Variants in RNGTT observed in about 807,000 individuals in gnomAD.
RNGTT encodes RNA guanylyltransferase and 5'-phosphatase, also known as mRNA-capping enzyme.
Under a neutral mutation model 79.3 loss-of-function variants are expected in RNGTT, and 33 were observed. The ratio of observed to expected loss-of-function variants is 0.42; its 90% confidence interval spans 0.32 to 0.56. The LOEUF (loss-of-function observed/expected upper bound fraction) is 0.56. Ranked by LOEUF, RNGTT falls within the 20% of genes least tolerant of loss-of-function variation. RNGTT has a pLI of 0.17. For missense variants in RNGTT, 497 were observed against 739.1 expected, an observed-to-expected ratio of 0.67 and a Z score of 3.80; for synonymous variants, 222 against 235.9, an observed-to-expected ratio of 0.94 and a Z score of 0.54.
intron 14 of RNGTT, among the ~76,000 whole-genome samples, chr6:88,660,143 T>TA (rs964057099): frequency 7.2e-5 from 11 of 152,146 alleles, no homozygotes; most frequent in Non-Finnish European, 1.2e-4. Flanking sequence ...CAAGAAATGC[T>TA]AAAAAAGTTC....
At chr6:88,768,419 G>A (rs759711600) in intron 13 of RNGTT, among the ~76,000 whole-genome samples, 6 of 152,070 alleles carry the variant, frequency 3.9e-5, no homozygotes, top group Non-Finnish European at 7.4e-5. Context: ...CAAATAAAAT[G>A]TTAAATACCC....
intron 14 of RNGTT, among the ~76,000 whole-genome samples, chr6:88,649,513 C>T (rs1055636781): frequency 6.6e-6 from 1 of 152,046 alleles, no homozygotes; most frequent in Non-Finnish European, 1.5e-5. Context: ...CTGGCTAACA[C>T]GGTGAAACCA....
intron 12 of RNGTT, among the ~76,000 whole-genome samples, chr6:88,800,125 T>C (rs1227699517): frequency 6.6e-6 from 1 of 152,198 alleles, no homozygotes; most frequent in Admixed American, 6.5e-5. Flanking sequence ...TCTCTAAATT[T>C]GCATTTTAGC....
rs34826211 is a variant in RNGTT, at chr6:88,636,712, C to CT, written c.1507-22318dup. Among the ~76,000 whole-genome samples the CT allele has an allele frequency of 2.5e-3, 362 of 146,464 alleles. 3 individuals are homozygous for CT. Among genetic ancestry groups the CT allele is most frequent in the African/African-American group, 7.2e-3 (290 of 40,182 alleles). ...TTAATTATAAAAAACAAAAACACAA[C>CT]TTTTTTTTTTTAAGACAAAGACAAG... On this transcript the variant is annotated intron_variant, in intron 14 of 15. Transcript: ENST00000369485.
At chr6:88,863,275 T>C (rs1782069391) in intron 8 of RNGTT, among the ~76,000 whole-genome samples, 1 of 152,206 alleles carries the variant, frequency 6.6e-6, no homozygotes, top group Non-Finnish European at 1.5e-5. Flanking sequence ...TTTGCCAACA[T>C]TTAAATGTCT....
At chr6:88,642,022 G>C (rs1442345274) in intron 14 of RNGTT, among the ~76,000 whole-genome samples, 1 of 151,986 alleles carries the variant, frequency 6.6e-6, no homozygotes, top group Non-Finnish European at 1.5e-5. Context: ...TAGCTACCTT[G>C]TCATTTGAGA....
intron 6 of RNGTT, among the ~76,000 whole-genome samples, chr6:88,902,189 T>A (rs1783493765): frequency 6.7e-6 from 1 of 148,534 alleles, no homozygotes; most frequent in Non-Finnish European, 1.5e-5. Flanking sequence ...CCTATCTCTT[T>A]AAAAAAAAAT....
chr6:88,933,654 A>C (rs1354928809), intron 2 of RNGTT, among the ~76,000 whole-genome samples: 1 of 152,162 alleles, frequency 6.6e-6, no homozygotes, highest in Non-Finnish European at 1.5e-5. Flanking sequence ...CTCCCACAGG[A>C]GTGAAACTGT....
intron 14 of RNGTT, among the ~76,000 whole-genome samples, chr6:88,657,567 A>T (rs1436505480): frequency 6.6e-6 from 1 of 152,168 alleles, no homozygotes; most frequent in African/African-American, 2.4e-5. Context: ...AAATACAGAT[A>T]TGAGCACAGA....
intron 4 of RNGTT, among the ~76,000 whole-genome samples, chr6:88,907,735 C>CTTTT (rs34378893): frequency 4.8e-5 from 6 of 125,448 alleles, no homozygotes; most frequent in African/African-American, 1.7e-4. Flanking sequence ...TAAGCTGTAT[C>CTTTT]TTTTTTTTTT....
chr6:88,818,263 C>T (rs1468119973), intron 11 of RNGTT, among the ~76,000 whole-genome samples: 1 of 152,056 alleles, frequency 6.6e-6, no homozygotes, highest in East Asian at 1.9e-4. Context: ...AAGCTCAAGA[C>T]ATTGGGTTAA....
chr6:88,715,280 G>T (rs1776469047), intron 13 of RNGTT, among the ~76,000 whole-genome samples: 2 of 152,136 alleles, frequency 1.3e-5, no homozygotes, highest in African/African-American at 4.8e-5. Flanking sequence ...ACCTCTTCAA[G>T]AACAACTACA....
At chr6:88,839,491 G>C (rs55936273) in intron 11 of RNGTT, among the ~76,000 whole-genome samples, 1 of 151,986 alleles carries the variant, frequency 6.6e-6, no homozygotes, top group Admixed American at 6.6e-5. Flanking sequence ...GATTGTTTGA[G>C]TCTGGGAGGT....
intron 11 of RNGTT, among the ~76,000 whole-genome samples, chr6:88,840,525 T>C (rs773742853): frequency 7.9e-5 from 12 of 152,176 alleles, no homozygotes; most frequent in Non-Finnish European, 1.5e-4. Context: ...GCCTCCTGAA[T>C]AGCTGGAACT....
intron 12 of RNGTT, among the ~76,000 whole-genome samples, chr6:88,771,313 GTGTA>G (rs1465162959): frequency 1.1e-3 from 54 of 47,724 alleles, no homozygotes; most frequent in African/African-American, 3.8e-3. Flanking sequence ...ATGTGTGTGT[GTGTA>G]TATATATATA....
chr6:88,633,163 C>G (rs1034698149), intron 14 of RNGTT, among the ~76,000 whole-genome samples: 10 of 151,986 alleles, frequency 6.6e-5, no homozygotes, highest in African/African-American at 2.4e-4. Flanking sequence ...TTACATGCAC[C>G]CCCATTAGAT....
At chr6:88,947,063 C>G (rs1437846331) in intron 1 of RNGTT, among the ~76,000 whole-genome samples, 4 of 20,508 alleles carry the variant, frequency 2.0e-4, no homozygotes, top group Non-Finnish European at 9.5e-5. Context: ...GCCCGGCCGC[C>G]ACCCCGTCTG....
At chr6:88,642,167 C>A (rs1773347741) in intron 14 of RNGTT, among the ~76,000 whole-genome samples, 1 of 152,170 alleles carries the variant, frequency 6.6e-6, no homozygotes, top group Non-Finnish European at 1.5e-5. Context: ...ATGCAAGGAA[C>A]TGCCAGAATT....
At chr6:88,803,328 C>A (rs1045617406) in intron 11 of RNGTT, among the ~76,000 whole-genome samples, 1 of 152,028 alleles carries the variant, frequency 6.6e-6, no homozygotes, top group South Asian at 2.1e-4. Context: ...GTAATCCCAG[C>A]AATTTGGGAG....
Sources: gnomAD v4.1 joint callset for allele counts (sites outside exome capture counted in the v4.1 genomes callset) on GRCh38, gnomAD v4.1.1 for gene constraint, MANE v1.5 for transcripts, NCBI Gene and HGNC (gene_info 2026-07-23, HGNC 2026-07-21) for gene names.